The following FBXO33 variants were observed in gnomAD, a reference collection of about 807,000 sequenced individuals.
The protein encoded by FBXO33 is F-box only protein 33.
Under a neutral mutation model 46.3 loss-of-function variants are expected in FBXO33, and 22 were observed. The ratio of observed to expected loss-of-function variants is 0.48; its 90% CI spans 0.34 to 0.68. The LOEUF is 0.68. Among genes scored for constraint, FBXO33 ranks in the 30% least tolerant of loss-of-function variants. The pLI is 0.01. For synonymous variants in FBXO33, 337 were observed against 291.3 expected (o/e 1.16, Z -1.60); for missense variants, 692 against 708.8 (o/e 0.98, Z 0.27).
chr14:39,406,099 T>G (rs1372785374), intron 1 of FBXO33, among the ~76,000 whole-genome samples: 1 of 152,002 alleles, frequency 6.6e-6, no homozygotes, highest in Non-Finnish European at 1.5e-5. Context: ...TTTTTATCCT[T>G]TCTTTATTCT....
At chr14:39,429,368 A>T (rs184365454) in intron 1 of FBXO33, among the ~76,000 whole-genome samples, 103 of 152,362 alleles carry the variant, frequency 6.8e-4, no homozygotes, top group African/African-American at 2.5e-3. Context: ...TTGGAAATGT[A>T]AAGAGCAATG....
At chr14:39,425,668 G>A (rs1344863542) in intron 1 of FBXO33, among the ~76,000 whole-genome samples, 4 of 152,050 alleles carry the variant, frequency 2.6e-5, no homozygotes, top group Admixed American at 1.3e-4. Context: ...AAATGCTAAT[G>A]AACGGTCATA....
At chr14:39,406,887 G>T (rs139815781) in intron 1 of FBXO33, among the ~76,000 whole-genome samples, 136 of 152,166 alleles carry the variant, frequency 8.9e-4, no homozygotes, top group African/African-American at 2.9e-3. Flanking sequence ...TTTAGGGAAA[G>T]AACTTAAATC....
intron 2 of FBXO33, 29 bp downstream of exon 2, chr14:39,402,372 A>G: frequency 8.2e-7 from 1 of 1,226,500 alleles, no homozygotes; most frequent in Non-Finnish European, 1.1e-6. Context: ...TAATAGTACA[A>G]CCTCCTTTCC....
intron 1 of FBXO33, among the ~76,000 whole-genome samples, chr14:39,412,055 G>T (rs1175855781): frequency 6.6e-6 from 1 of 152,140 alleles, no homozygotes; most frequent in Non-Finnish European, 1.5e-5. Flanking sequence ...GGAATGTTCT[G>T]TATATGTCTG....
intron 1 of FBXO33, among the ~76,000 whole-genome samples, chr14:39,420,484 G>A (rs1275811987): frequency 6.6e-6 from 1 of 152,096 alleles, no homozygotes; most frequent in Non-Finnish European, 1.5e-5. Flanking sequence ...AGGTCAGATC[G>A]AGACCAACCT....
In FBXO33 at chr14:39,412,836, G is replaced by A. The variant is rs775188281; in HGVS notation, c.600-10325C>T. On this transcript the variant is annotated intron_variant, in intron 1 of 3. Transcript: ENST00000298097. ...TGTAGTTTATTAAGTGTGCAACAGC[G>A]TTATGTCTAAAAAAGCAATACATAT... Among the ~76,000 whole-genome samples, 14 of 152,338 alleles carry A rather than the reference G, an allele frequency of 9.2e-5. No individual in the cohort carries two copies. The East Asian group carries it at 9.6e-4, about 10-fold the overall frequency.
intron 1 of FBXO33, among the ~76,000 whole-genome samples, chr14:39,422,665 G>A (rs1429600631): frequency 6.6e-6 from 1 of 152,152 alleles, no homozygotes; most frequent in East Asian, 1.9e-4. Context: ...TAGGTAGAGT[G>A]TAAAACAATA....
At chr14:39,405,777 A>G (rs1174434262) in intron 1 of FBXO33, among the ~76,000 whole-genome samples, 1 of 151,478 alleles carries the variant, frequency 6.6e-6, no homozygotes, top group African/African-American at 2.4e-5. Context: ...TGAAGAATCC[A>G]AGTAGTAAAT....
chr14:39,420,099 C>T (rs1026623059), intron 1 of FBXO33, among the ~76,000 whole-genome samples: 6 of 152,192 alleles, frequency 3.9e-5, no homozygotes, highest in African/African-American at 1.4e-4. Flanking sequence ...CTACAGACTG[C>T]TCTCCTACTT....
intron 1 of FBXO33, among the ~76,000 whole-genome samples, chr14:39,414,600 T>C (rs2075438885): frequency 6.6e-6 from 1 of 152,236 alleles, no homozygotes; most frequent in Admixed American, 6.5e-5. Flanking sequence ...GTGAGAGACG[T>C]GGGACTCTTC....
intron 1 of FBXO33, among the ~76,000 whole-genome samples, chr14:39,424,116 T>C (rs1165650176): frequency 6.6e-6 from 1 of 152,254 alleles, no homozygotes; most frequent in African/African-American, 2.4e-5. Context: ...CTCTAAAACA[T>C]GCCAGTCATA....
intron 1 of FBXO33, among the ~76,000 whole-genome samples, chr14:39,407,793 CTT>C (rs2075405791): frequency 6.6e-6 from 1 of 152,136 alleles, no homozygotes; most frequent in Non-Finnish European, 1.5e-5. Context: ...TGATTACACT[CTT>C]TTTGTATACA....
At chr14:39,415,606 A>G (rs1270841819) in intron 1 of FBXO33, among the ~76,000 whole-genome samples, 2 of 152,206 alleles carry the variant, frequency 1.3e-5, no homozygotes, top group Non-Finnish European at 2.9e-5. Flanking sequence ...CTGATGTTCT[A>G]ATTTATGTAT....
At chr14:39,425,380 T>TTCCA (rs1326058746) in intron 1 of FBXO33, among the ~76,000 whole-genome samples, 1 of 152,244 alleles carries the variant, frequency 6.6e-6, no homozygotes, top group Non-Finnish European at 1.5e-5. Context: ...TGCAGCCACC[T>TTCCA]TAAGAGTTAT....
Position 39,401,367 on chromosome 14 carries a change from T to G in FBXO33, c.1205A>C (p.Tyr402Ser), listed in dbSNP as rs745641139. The G allele has an allele frequency of 3.7e-6, 6 of 1,614,154 alleles. No individual in the cohort carries two copies. ...AATAGCCCCTGAAACACAAGTGATA[T>G]AGCTATCAAAATGAATCCTCTCTAG... is the stretch of plus-strand genomic sequence containing the variant. ...IPLERIHFDS[Y>S]ITCVSGAIVD... is the part of the protein sequence containing the mutation. Residue 402 changes from tyrosine (Y) to serine (S), a missense_variant, in exon 3 of 4, where the codon TAT (tyrosine) becomes TCT (serine). Physicochemically the swap from Tyr to Ser is moderately radical, Grantham distance 144. Coordinates refer to ENST00000298097, the MANE Select transcript of FBXO33 (RefSeq NM_203301.4).
Position 39,397,732 on chromosome 14 carries a change from T to A in FBXO33, c.*1784A>T, listed in dbSNP as rs911581090. ...ACACTAAAAGTAGTCATGCTTCATA[T>A]ACAATAAAATATATTACAATGATCA... is the stretch of plus-strand genomic sequence containing the variant. On this transcript the variant is annotated 3_prime_UTR_variant, in exon 4 of 4. Coordinates refer to ENST00000298097, the MANE Select transcript of FBXO33 (RefSeq NM_203301.4). 1.3e-5 allele frequency: 2 copies of A among 152,668 alleles called. No homozygotes were observed. The highest frequency in any genetic ancestry group is 2.9e-5 in the Non-Finnish European group (2 of 68,028). 9.5% of individuals were successfully genotyped at this position (152,668 alleles called of 1,614,324 possible).
chr14:39,420,466 G>A (rs550638523), intron 1 of FBXO33, among the ~76,000 whole-genome samples: 22 of 152,224 alleles, frequency 1.4e-4, no homozygotes, highest in African/African-American at 4.8e-4. Flanking sequence ...CGGGGCGGGC[G>A]GATCACGAGG....
rs550017836 is a variant in FBXO33 at position 39,430,406 on chromosome 14, C to T, written c.599+1158G>A. ...TATATAACCTTATATCTATATATAT[C>T]TCCTAGCATTAAACCAGGGACTGCT... is the stretch of plus-strand genomic sequence containing the variant. On this transcript the variant is annotated intron_variant, in intron 1 of 3. Coordinates refer to ENST00000298097, the MANE Select transcript of FBXO33 (RefSeq NM_203301.4). Among the ~76,000 whole-genome samples the T allele has an allele frequency of 2.0e-5, 3 of 152,200 alleles. No individual in the cohort carries two copies. In the South Asian group the frequency reaches 6.2e-4, roughly 32 times the overall value.
Sources: gnomAD v4.1 joint callset for allele counts (sites outside exome capture counted in the v4.1 genomes callset) on GRCh38, gnomAD v4.1.1 for gene constraint, MANE v1.5 for transcripts, NCBI Gene and HGNC (gene_info 2026-07-23, HGNC 2026-07-21) for gene names.